Variants in CHORDC1 observed in about 807,000 individuals in gnomAD.
CHORDC1 encodes the protein cysteine and histidine-rich domain-containing protein 1.
Under a neutral mutation model 48.3 loss-of-function variants are expected in CHORDC1, and 25 were observed. The ratio of observed to expected loss-of-function variants is 0.52; its 90% CI spans 0.38 to 0.72. The LOEUF is 0.72. CHORDC1 is among the 30% of genes least tolerant of loss of function. CHORDC1 has a pLI of 0.00. For missense variants in CHORDC1, 317 were observed against 388.7 expected (o/e 0.82, Z 1.55); for synonymous variants, 128 against 126.4 (o/e 1.01, Z -0.09).
In CHORDC1 at chr11:90,206,285, CAAAG is replaced by C. The variant is rs1457944166; in HGVS notation, c.493-17_493-14del. 1 of 1,417,822 alleles carries C rather than the reference CAAAG, an allele frequency of 7.1e-7. No homozygotes were observed. The highest frequency in any genetic ancestry group is 9.9e-7 in the Non-Finnish European group (1 of 1,005,676). The allele number at this position is 1,417,822 out of a possible 1,614,324, so 87.8% of individuals were successfully genotyped here. A position where few individuals can be genotyped will look rare whatever the true frequency, so the allele number is the denominator to read the frequency against. On this transcript the variant is annotated splice_polypyrimidine_tract_variant and intron_variant, in intron 6 of 10. Transcript: ENST00000320585. ...GACCCTGGTATGTCTAAAAAGGAAA[CAAAG>C]AGAAAAAAAATTAGCTGCGTATCTT...
intron 4 of CHORDC1, chr11:90,212,190 C>T (rs10765276): frequency 3.3e-5 from 5 of 151,948 alleles, no homozygotes; most frequent in African/African-American, 1.2e-4. Context: ...TCTAGCTCCC[C>T]TAATCTCCAC....
chr11:90,201,800 G>A lies in CHORDC1; in HGVS notation c.*605C>T, dbSNP rs1857550421. On this transcript the variant is annotated 3_prime_UTR_variant, in exon 11 of 11. Transcript: ENST00000320585. ...CCTATAACATCATACTGCTTGGCAA[G>A]TAATGTAAGTTTTGACATAATTTAA... 1 of 152,360 alleles carries A rather than the reference G, an allele frequency of 6.6e-6. No individual in the cohort carries two copies. Among genetic ancestry groups the A allele is most frequent in the South Asian group, 2.1e-4 (1 of 4,818 alleles). The allele number at this position is 152,360 out of a possible 1,614,324, so 9.4% of individuals were successfully genotyped here.
At chr11:90,202,714 A>C in intron 10 of CHORDC1, 99 bp downstream of exon 10, 1 of 1,424,414 alleles carries the variant, frequency 7.0e-7, no homozygotes, top group Non-Finnish European at 9.6e-7. Context: ...TAAGTTATAC[A>C]TCTATACTTT....
rs965517438 is a variant in CHORDC1, at chr11:90,222,744, C to A, written c.64+147G>T. 21 of 771,342 alleles carry A rather than the reference C, an allele frequency of 2.7e-5. No individual in the cohort carries two copies. The African/African-American group carries it at 2.9e-4, about 11-fold the overall frequency. 47.8% of individuals were successfully genotyped at this position (771,342 alleles called of 1,614,324 possible). A position where few individuals can be genotyped will look rare whatever the true frequency, so the allele number is the denominator to read the frequency against. The stretch of plus-strand genomic sequence containing the variant: ...ACAGAGGGGCGGCCGGCGGGCTGCG[C>A]GGGCAGCCAAGGGAGGCCCAGGAGG... On this transcript the variant is annotated intron_variant, in intron 1 of 10. Transcript: ENST00000320585.
In CHORDC1 at chr11:90,214,108, G is replaced by C. The variant is rs1159607296; in HGVS notation, c.239C>G (p.Thr80Ser). 2 of 1,613,316 alleles carry C rather than the reference G, an allele frequency of 1.2e-6. No homozygotes were observed. The highest frequency in any genetic ancestry group is 2.7e-5 in the African/African-American group (2 of 74,884). The change falls in exon 4 of 11, where the codon ACT becomes AGT. Residue 80 changes from threonine (T) to serine (S), a missense_variant. Thr to Ser is a moderately conservative substitution (Grantham distance 58). Coordinates refer to ENST00000320585, the MANE Select transcript of CHORDC1 (RefSeq NM_012124.3). ...TAATTCACATAGCTCCTTCTTCTCA[G>C]TAGTCTTGACTTCAGGTTTGACTGG... ...PEPVKPEVKT[T>S]EKKELCELKP...
chr11:90,213,411 C>A (rs1348542240), intron 4 of CHORDC1: 2 of 697,638 alleles, frequency 2.9e-6, no homozygotes, highest in Middle Eastern at 4.6e-4. Context: ...AAGTGTAGCA[C>A]GAAGAAGACC....
At position 90,216,275 on chromosome 11, in the gene CHORDC1, T is replaced by C. The variant is rs546486038; in HGVS notation, c.115-1045A>G. ...CATGTAAAATACAATACAGGCCAGC[T>C]GTTCCCAAATGCCAATCTGGATTCT... On this transcript the variant is annotated intron_variant, in intron 2 of 10. Coordinates refer to ENST00000320585, the MANE Select transcript of CHORDC1 (RefSeq NM_012124.3). 8.5e-5 allele frequency among the ~76,000 whole-genome samples: 13 copies of C among 152,286 alleles called. No individual in the cohort carries two copies. The East Asian group carries it at 2.5e-3, about 29-fold the overall frequency.
chr11:90,216,126 T>C (rs903607250), intron 2 of CHORDC1, among the ~76,000 whole-genome samples: 1 of 152,166 alleles, frequency 6.6e-6, no homozygotes, highest in Non-Finnish European at 1.5e-5. Context: ...GATCAATTAC[T>C]ACAACCTTAA....
chr11:90,216,669 T>C (rs2135052281), intron 2 of CHORDC1: 1 of 297,132 alleles, frequency 3.4e-6, no homozygotes, highest in Non-Finnish European at 6.5e-6. Flanking sequence ...AACAATGCGG[T>C]AAGAGAAAAA....
At chr11:90,213,458 A>G (rs749921618) in intron 4 of CHORDC1, 1 of 687,858 alleles carries the variant, frequency 1.5e-6, no homozygotes, top group South Asian at 1.6e-5. Context: ...ATGTGTGGGA[A>G]TACAGAGTCT....
chr11:90,204,934 A>T (rs187368438), intron 8 of CHORDC1, among the ~76,000 whole-genome samples: 8 of 152,148 alleles, frequency 5.3e-5, no homozygotes, highest in African/African-American at 1.9e-4. Flanking sequence ...GGAAGTAGGA[A>T]ATGATGCTTT....
intron 6 of CHORDC1, chr11:90,208,548 AC>A: frequency 6.6e-6 from 1 of 152,322 alleles, no homozygotes; most frequent in African/African-American, 2.4e-5. Flanking sequence ...AAATAAAAAA[AC>A]AAAACTAAAG....
At chr11:90,206,078 G>C (rs1427874965) in intron 7 of CHORDC1, 124 bp downstream of exon 7, 1 of 697,932 alleles carries the variant, frequency 1.4e-6, no homozygotes. Flanking sequence ...CTATTGTGAA[G>C]ATGTTAATGG....
chr11:90,202,558 C>G lies in CHORDC1; in HGVS notation c.853-7G>C. ...TTCGCTTTACATCAATCACCTGTAACATATCAAAGAGAATTACAGGAAACC... is the reference window on the plus strand; with the variant it reads ...TTCGCTTTACATCAATCACCTGTAAGATATCAAAGAGAATTACAGGAAACC... On this transcript the variant is annotated splice_region_variant and splice_polypyrimidine_tract_variant and intron_variant, in intron 10 of 10. Coordinates refer to ENST00000320585, the MANE Select transcript of CHORDC1 (RefSeq NM_012124.3). 6.2e-7 allele frequency: 1 copy of G among 1,611,500 alleles called. No homozygotes were observed. Among genetic ancestry groups the G allele is most frequent in the Non-Finnish European group, 8.5e-7 (1 of 1,178,558 alleles).
chr11:90,203,159 C>A, intron 9 of CHORDC1, 149 bp downstream of exon 9: 1 of 800,168 alleles, frequency 1.2e-6, no homozygotes, highest in East Asian at 2.7e-5. Context: ...AAAATAGTTT[C>A]ATAGAAGTAA....
At chr11:90,213,735 C>G in intron 4 of CHORDC1, 1 of 455,468 alleles carries the variant, frequency 2.2e-6, no homozygotes, top group Non-Finnish European at 3.9e-6. Flanking sequence ...AAGATGCACT[C>G]TAAGGCACAA....
At position 90,218,122 on chromosome 11, in the gene CHORDC1, A is replaced by C. The variant is rs758157991; in HGVS notation, c.114+13T>G. ...CTACACAGATATGAAAAAAATGAAA[A>C]TATAGTTCCTACCTTTAATGCATCG... On this transcript the variant is annotated intron_variant, in intron 2 of 10. Coordinates refer to ENST00000320585, the MANE Select transcript of CHORDC1 (RefSeq NM_012124.3). The C allele has an allele frequency of 6.4e-7, 1 of 1,551,846 alleles. No individual in the cohort carries two copies. The highest frequency in any genetic ancestry group is 8.7e-7 in the Non-Finnish European group (1 of 1,148,792).
rs1177469833 is a variant in CHORDC1 at position 90,214,061 on chromosome 11, T to C, written c.286A>G (p.Ile96Val). The change falls in exon 4 of 11, where the codon ATC becomes GTC. Residue 96 changes from isoleucine (I) to valine (V), a missense_variant. Coordinates refer to ENST00000320585, the MANE Select transcript of CHORDC1 (RefSeq NM_012124.3). ...TCTACTGGCTTAGGGGCTTGAATGA[T>C]GTGTTCCTGAAATTTGGGTTTTAAT... Reference protein sequence around the residue: ...CELKPKFQEHIIQAPKPVEAI... With the variant: ...CELKPKFQEHVIQAPKPVEAI... The C allele has an allele frequency of 5.0e-6, 8 of 1,613,522 alleles. No homozygotes were observed. The highest frequency in any genetic ancestry group is 1.7e-5 in the Admixed American group (1 of 60,002).
chr11:90,205,096 GAGGTC>G (rs1857642232), intron 8 of CHORDC1, among the ~76,000 whole-genome samples: 1 of 148,680 alleles, frequency 6.7e-6, no homozygotes, highest in South Asian at 2.2e-4. Flanking sequence ...AAGAATAACA[GAGGTC>G]TAAACGTTTA....
Sources: gnomAD v4.1 joint callset for allele counts (sites outside exome capture counted in the v4.1 genomes callset) on GRCh38, gnomAD v4.1.1 for gene constraint, MANE v1.5 for transcripts, NCBI Gene and HGNC (gene_info 2026-07-23, HGNC 2026-07-21) for gene names.